UST: variants seen among roughly 807,000 people sequenced by gnomAD.
UST encodes chondroitin sulfate 2-O-sulfotransferase.
UST carries 21 observed loss-of-function variants against 45.6 expected under a neutral mutation model. That is an observed-to-expected ratio of 0.46 (90% CI 0.33 to 0.66). UST has a LOEUF of 0.66. UST is among the 30% of genes least tolerant of loss of function. The probability of loss-of-function intolerance (pLI) is 0.02; values close to 1 mark genes in which losing one functional copy is unlikely to be tolerated. For missense variants in UST, 463 were observed against 512.4 expected, an observed-to-expected ratio of 0.90 and a Z score of 0.93; for synonymous variants, 215 against 200.6, an observed-to-expected ratio of 1.07 and a Z score of -0.61.
chr6:149,015,335 A>G (rs1199413043), intron 5 of UST, among the ~76,000 whole-genome samples: 4 of 152,268 alleles, frequency 2.6e-5, no homozygotes, highest in African/African-American at 4.8e-5. Flanking sequence ...AGTGTTGGCA[A>G]TGAAAAGGAT....
chr6:149,013,409 C>G (rs1185006347), intron 5 of UST, among the ~76,000 whole-genome samples: 2 of 151,876 alleles, frequency 1.3e-5, no homozygotes, highest in African/African-American at 4.8e-5. Context: ...GCCTGTAATC[C>G]CAACTACTCG....
intron 1 of UST, among the ~76,000 whole-genome samples, chr6:148,808,711 C>G (rs945273104): frequency 5.3e-5 from 8 of 152,178 alleles, no homozygotes; most frequent in Non-Finnish European, 1.2e-4. Context: ...GTTGAAGCTT[C>G]AGCCCCCAAT....
chr6:149,009,772 G>A (rs1775773515), intron 5 of UST, among the ~76,000 whole-genome samples: 1 of 151,676 alleles, frequency 6.6e-6, no homozygotes, highest in South Asian at 2.1e-4. Context: ...ACAACTGAGA[G>A]GCAGAGAGGC....
At chr6:148,857,566 C>G (rs1778228306) in intron 1 of UST, among the ~76,000 whole-genome samples, 1 of 152,100 alleles carries the variant, frequency 6.6e-6, no homozygotes, top group African/African-American at 2.4e-5. Flanking sequence ...AACTCCAATT[C>G]TGCATATGAG....
At chr6:148,785,575 A>G (rs916964746) in intron 1 of UST, among the ~76,000 whole-genome samples, 2 of 152,248 alleles carry the variant, frequency 1.3e-5, no homozygotes, top group African/African-American at 4.8e-5. Context: ...GTTGAAGAAT[A>G]TGGCATGCTG....
At chr6:148,831,064 A>G (rs1456507359) in intron 1 of UST, among the ~76,000 whole-genome samples, 1 of 143,662 alleles carries the variant, frequency 7.0e-6, no homozygotes, top group Admixed American at 6.8e-5. Flanking sequence ...AAAAAGAAAG[A>G]AAAGGGGGGG....
At chr6:148,851,050 A>G (rs1216819633) in intron 1 of UST, among the ~76,000 whole-genome samples, 2 of 152,128 alleles carry the variant, frequency 1.3e-5, no homozygotes, top group African/African-American at 4.8e-5. Flanking sequence ...TGTGAAGCTG[A>G]TGGCTCAGGG....
chr6:148,899,697 A>T lies in UST; in HGVS notation c.291+12668A>T, dbSNP rs538601980. On this transcript the variant is annotated intron_variant, in intron 2 of 7. Transcript: ENST00000367463. ...TGCACGTAACACACAGAGTTTACAG[A>T]ACCAAAGTGCTTGTTGAAAAACAGT... 2.4e-3 allele frequency among the ~76,000 whole-genome samples: 372 copies of T among 152,366 alleles called. 2 individuals carry two copies. Among genetic ancestry groups the T allele is most frequent in the Admixed American group, 6.3e-3 (96 of 15,304 alleles).
intron 5 of UST, among the ~76,000 whole-genome samples, chr6:148,995,405 C>A (rs372671866): frequency 2.0e-5 from 3 of 152,338 alleles, no homozygotes; most frequent in African/African-American, 7.2e-5. Flanking sequence ...CAGCAGCTAG[C>A]ACAGAAGCAA....
intron 7 of UST, among the ~76,000 whole-genome samples, chr6:149,028,799 C>T (rs916240854): frequency 6.6e-6 from 1 of 152,172 alleles, no homozygotes; most frequent in Non-Finnish European, 1.5e-5. Flanking sequence ...AAATGAAACC[C>T]ACTGTTGAGA....
At chr6:148,891,263 G>T (rs1457987560) in intron 2 of UST, among the ~76,000 whole-genome samples, 1 of 152,124 alleles carries the variant, frequency 6.6e-6, no homozygotes, top group Non-Finnish European at 1.5e-5. Context: ...CACCTGGGAC[G>T]TGGGTACCTG....
At chr6:148,907,993 C>T (rs941109505) in intron 2 of UST, among the ~76,000 whole-genome samples, 1 of 142,036 alleles carries the variant, frequency 7.0e-6, no homozygotes. Context: ...ACTGCAACCT[C>T]CGTCTCGCAG....
chr6:148,802,959 G>C (rs73778905), intron 1 of UST, among the ~76,000 whole-genome samples: 1,937 of 152,214 alleles, frequency 0.013, 33 homozygotes, highest in African/African-American at 0.045. Flanking sequence ...CTTCTACAAG[G>C]CTCTGAATAA....
At chr6:149,058,219 T>C (rs9322165) in intron 7 of UST, among the ~76,000 whole-genome samples, 59,469 of 151,774 alleles carry the variant, frequency 0.39, 12,743 homozygotes, top group African/African-American at 0.55. Flanking sequence ...TGTCCTGTGG[T>C]CATATCACCA....
At chr6:148,981,344 C>T (rs1362044415) in intron 5 of UST, among the ~76,000 whole-genome samples, 1 of 152,158 alleles carries the variant, frequency 6.6e-6, no homozygotes, top group Non-Finnish European at 1.5e-5. Flanking sequence ...GTGATAAAAC[C>T]AGGATGCTCA....
At chr6:148,853,552 G>A (rs535840654) in intron 1 of UST, among the ~76,000 whole-genome samples, 115 of 152,266 alleles carry the variant, frequency 7.6e-4, no homozygotes, top group African/African-American at 2.6e-3. Flanking sequence ...CTTCCACAAT[G>A]GTTGAACTAA....
intron 5 of UST, among the ~76,000 whole-genome samples, chr6:148,972,572 T>G (rs1238205133): frequency 6.6e-6 from 1 of 152,222 alleles, no homozygotes; most frequent in Non-Finnish European, 1.5e-5. Context: ...GCTGTCTCCA[T>G]GCAAGGTCCC....
chr6:148,984,611 T>C (rs1163701832), intron 5 of UST, among the ~76,000 whole-genome samples: 1 of 152,232 alleles, frequency 6.6e-6, no homozygotes, highest in Non-Finnish European at 1.5e-5. Context: ...CATAGCTCAC[T>C]GCAGCCTCAA....
chr6:148,901,712 C>A (rs1779261957), intron 2 of UST, among the ~76,000 whole-genome samples: 1 of 152,128 alleles, frequency 6.6e-6, no homozygotes, highest in Non-Finnish European at 1.5e-5. Flanking sequence ...CGCCTGCCAC[C>A]ACGCCCAGCT....
Sources: allele counts gnomAD v4.1 joint callset (sites outside exome capture counted in the v4.1 genomes callset), GRCh38; gene constraint gnomAD v4.1.1; transcripts MANE v1.5; gene names NCBI Gene and HGNC (gene_info 2026-07-23, HGNC 2026-07-21).